CCDC91: variants seen among roughly 807,000 people sequenced by gnomAD.
CCDC91 encodes coiled-coil domain containing 91, also known as coiled-coil domain-containing protein 91.
In CCDC91, 48 loss-of-function variants were observed where a neutral mutation model predicts 63.2. That is an observed-to-expected ratio of 0.76 (90% CI 0.60 to 0.97). The LOEUF (loss-of-function observed/expected upper bound fraction) is 0.97. CCDC91 is among the 50% of genes least tolerant of loss of function. The pLI, the probability that CCDC91 is intolerant of heterozygous loss-of-function variation, is 0.00. For missense variants in CCDC91, 500 were observed against 494.6 expected (o/e 1.01, Z -0.10); for synonymous variants, 167 against 165.8 (o/e 1.01, Z -0.06).
chr12:28,270,712 A>G (rs1947711184), intron 3 of CCDC91, among the ~76,000 whole-genome samples: 3 of 152,148 alleles, frequency 2.0e-5, no homozygotes, highest in Admixed American at 2.0e-4. Flanking sequence ...ATCTAAACAC[A>G]AGTATTTTGC....
Position 28,305,714 on chromosome 12 carries a change from A to G in CCDC91, c.175A>G (p.Ile59Val). The G allele has an allele frequency of 1.2e-6, 2 of 1,613,270 alleles. No homozygotes were observed. Among genetic ancestry groups the G allele is most frequent in the Non-Finnish European group, 1.7e-6 (2 of 1,179,520 alleles). Reference protein sequence around the residue: ...IVLDRDHSSSIGCLSSDAIIS... With the variant: ...IVLDRDHSSSVGCLSSDAIIS... ...ACTGGACCGTGACCACTCTTCTTCC[A>G]TTGGCTGCCTCTCTTCTGATGCCAT... Residue 59 changes from isoleucine to valine, a missense_variant, in exon 4 of 13, where the codon ATT (isoleucine) becomes GTT (valine). Physicochemically the swap from Ile to Val is conservative, Grantham distance 29. Coordinates refer to ENST00000536442, the MANE Select transcript of CCDC91 (RefSeq NM_018318.5).
intron 12 of CCDC91, among the ~76,000 whole-genome samples, chr12:28,485,155 CT>C (rs879488963): frequency 3.8e-4 from 54 of 143,364 alleles, no homozygotes; most frequent in African/African-American, 5.4e-4. Context: ...TAGTCCTATA[CT>C]TTTTTTTTTT....
In CCDC91 at chr12:28,452,660, T is replaced by C. The variant is rs762510339; in HGVS notation, c.1101+6T>C. 3 of 1,400,638 alleles carry C rather than the reference T, an allele frequency of 2.1e-6. No individual in the cohort carries two copies. Among genetic ancestry groups the C allele is most frequent in the Non-Finnish European group, 2.9e-6 (3 of 1,026,720 alleles). The allele number at this position is 1,400,638 out of a possible 1,614,324, so 86.8% of individuals were successfully genotyped here. On this transcript the variant is annotated splice_donor_region_variant and intron_variant, in intron 11 of 12. Transcript: ENST00000536442. Reference sequence around the variant, plus strand: ...AACAAAGAAAAATAAGTCAGGTTAGTAATATTAACTGTTAGTAAATATTTA... The same window carrying C: ...AACAAAGAAAAATAAGTCAGGTTAGCAATATTAACTGTTAGTAAATATTTA...
chr12:28,438,207 C>T (rs1431342417), intron 8 of CCDC91, among the ~76,000 whole-genome samples: 4 of 152,092 alleles, frequency 2.6e-5, no homozygotes, highest in Non-Finnish European at 2.9e-5. Flanking sequence ...ACTTCAGCAT[C>T]TTTGTAATGT....
intron 12 of CCDC91, among the ~76,000 whole-genome samples, chr12:28,489,751 A>G (rs1951901665): frequency 6.6e-6 from 1 of 151,870 alleles, no homozygotes; most frequent in Non-Finnish European, 1.5e-5. Context: ...TTTTTTAAAT[A>G]TAAAAGGGCT....
At chr12:28,411,632 A>G (rs557674110) in intron 8 of CCDC91, among the ~76,000 whole-genome samples, 1 of 152,178 alleles carries the variant, frequency 6.6e-6, no homozygotes, top group Non-Finnish European at 1.5e-5. Context: ...TGTTTAGTAT[A>G]GTCATCCACT....
intron 1 of CCDC91, among the ~76,000 whole-genome samples, chr12:28,228,169 T>G (rs1944387551): frequency 6.6e-6 from 1 of 152,120 alleles, no homozygotes; most frequent in African/African-American, 2.4e-5. Flanking sequence ...TGTGGTATTT[T>G]TGGTTTGCCA....
At chr12:28,235,941 T>G (rs1944919869) in intron 1 of CCDC91, among the ~76,000 whole-genome samples, 1 of 152,124 alleles carries the variant, frequency 6.6e-6, no homozygotes, top group Non-Finnish European at 1.5e-5. Context: ...ATTTTGTCAG[T>G]GACACAATTT....
At chr12:28,314,994 T>C (rs1592282235) in intron 6 of CCDC91, among the ~76,000 whole-genome samples, 1 of 151,952 alleles carries the variant, frequency 6.6e-6, no homozygotes, top group Non-Finnish European at 1.5e-5. Flanking sequence ...AAGACCTCTT[T>C]GTCAAACTGT....
intron 12 of CCDC91, 64 bp downstream of exon 12, chr12:28,484,229 A>G: frequency 1.3e-6 from 1 of 774,180 alleles, no homozygotes; most frequent in Non-Finnish European, 2.0e-6. Flanking sequence ...CTTCCATACA[A>G]TAACATGAAA....
intron 1 of CCDC91, among the ~76,000 whole-genome samples, chr12:28,190,918 C>G (rs772373883): frequency 1.3e-5 from 2 of 152,222 alleles, no homozygotes; most frequent in Non-Finnish European, 2.9e-5. Context: ...CGAGTGTTTT[C>G]GAAAGTCTAC....
At chr12:28,335,940 GT>G (rs1384556356) in intron 6 of CCDC91, among the ~76,000 whole-genome samples, 88 of 135,724 alleles carry the variant, frequency 6.5e-4, no homozygotes, top group Admixed American at 1.2e-3. Flanking sequence ...AGTTTGGACT[GT>G]TTTTTTTTTT....
At chr12:28,398,633 A>G (rs1946431962) in intron 8 of CCDC91, among the ~76,000 whole-genome samples, 2 of 152,224 alleles carry the variant, frequency 1.3e-5, no homozygotes, top group South Asian at 4.1e-4. Context: ...TCTCACTATC[A>G]ATGTATGAGA....
chr12:28,385,307 A>C (rs1945535152), intron 7 of CCDC91, among the ~76,000 whole-genome samples: 1 of 152,166 alleles, frequency 6.6e-6, no homozygotes, highest in Non-Finnish European at 1.5e-5. Flanking sequence ...TAAAAGTTTT[A>C]ATAATTTCTG....
intron 3 of CCDC91, among the ~76,000 whole-genome samples, chr12:28,285,304 T>G (rs1410149754): frequency 6.6e-6 from 1 of 152,138 alleles, no homozygotes; most frequent in African/African-American, 2.4e-5. Context: ...GGAAACTGAA[T>G]CTTGCAGACT....
At chr12:28,441,671 C>CTCTCAT (rs1565978751) in intron 8 of CCDC91, among the ~76,000 whole-genome samples, 1 of 145,982 alleles carries the variant, frequency 6.9e-6, no homozygotes, top group African/African-American at 2.6e-5. Flanking sequence ...ATATATATCT[C>CTCTCAT]ATATATATCT....
chr12:28,484,093 T>C lies in CCDC91; in HGVS notation c.1143T>C (p.Ser381=). ...KAAIIEEQKR[S]EKAVEEAVKR... is the part of the protein sequence containing the mutation. Reference sequence around the variant, plus strand: ...CAATAATAGAAGAGCAGAAACGAAGTGAAAAGGCTGTGGAAGAGGCAGTGA... The same window carrying C: ...CAATAATAGAAGAGCAGAAACGAAGCGAAAAGGCTGTGGAAGAGGCAGTGA... The change falls in exon 12 of 13, where the codon AGT becomes AGC. Residue 381 remains serine (S), a synonymous_variant. Coordinates refer to ENST00000536442, the MANE Select transcript of CCDC91 (RefSeq NM_018318.5). 1 of 1,611,560 alleles carries C rather than the reference T, an allele frequency of 6.2e-7. No individual in the cohort carries two copies.
intron 8 of CCDC91, among the ~76,000 whole-genome samples, chr12:28,400,130 C>G (rs1464696712): frequency 6.6e-6 from 1 of 152,208 alleles, no homozygotes; most frequent in Non-Finnish European, 1.5e-5. Flanking sequence ...GCCTGGACAT[C>G]CAGGCATTTC....
At chr12:28,520,848 T>A (rs1940557860) in intron 12 of CCDC91, among the ~76,000 whole-genome samples, 1 of 152,114 alleles carries the variant, frequency 6.6e-6, no homozygotes, top group African/African-American at 2.4e-5. Context: ...CCATTTCTTG[T>A]TTTTGTCAGG....
Sources: gnomAD v4.1 joint callset for allele counts (sites outside exome capture counted in the v4.1 genomes callset) on GRCh38, gnomAD v4.1.1 for gene constraint, MANE v1.5 for transcripts, NCBI Gene and HGNC (gene_info 2026-07-23, HGNC 2026-07-21) for gene names.